The following ITGAM variants were observed in gnomAD, a reference collection of about 807,000 sequenced individuals.
ITGAM encodes integrin subunit alpha M.
A neutral mutation model predicts 137.5 loss-of-function variants in ITGAM; 79 were observed. The ratio of observed to expected loss-of-function variants is 0.57; its 90% CI spans 0.48 to 0.69. The LOEUF (loss-of-function observed/expected upper bound fraction) is 0.69, where lower values mean the gene tolerates loss of function less well. Among genes scored for constraint, ITGAM ranks in the 30% least tolerant of loss-of-function variants. ITGAM has a pLI of 0.00. For missense variants in ITGAM, 1,343 were observed against 1,483.5 expected, an observed-to-expected ratio of 0.91 and a Z score of 1.56; for synonymous variants, 583 against 592.3, an observed-to-expected ratio of 0.98 and a Z score of 0.23.
rs371563299 is a variant in ITGAM, at chr16:31,331,680, G to A, written c.3432G>A (p.Gly1144=). The A allele has an allele frequency of 1.2e-6, 2 of 1,609,456 alleles. No homozygotes were observed. Among genetic ancestry groups the A allele is most frequent in the Non-Finnish European group, 1.7e-6 (2 of 1,178,180 alleles). ...KRQYKDMMSE[G]GPPGAEPQ Reference sequence around the variant, plus strand: ...AATACAAGGACATGATGAGTGAAGGGGGTCCCCCGGGGGCCGAACCCCAGT... The same window carrying A: ...AATACAAGGACATGATGAGTGAAGGAGGTCCCCCGGGGGCCGAACCCCAGT... The change falls in exon 30 of 30, where the codon GGG becomes GGA. Residue 1144 remains glycine, a synonymous_variant. Transcript: ENST00000544665.
intron 14 of ITGAM, among the ~76,000 whole-genome samples, chr16:31,313,801 C>A (rs1253887911): frequency 6.6e-6 from 1 of 152,174 alleles, no homozygotes; most frequent in Non-Finnish European, 1.5e-5. Context: ...GAGGAATCGC[C>A]ACACTGTCTT....
At chr16:31,268,379 C>T (rs1038815197) in intron 5 of ITGAM, among the ~76,000 whole-genome samples, 5 of 152,106 alleles carry the variant, frequency 3.3e-5, no homozygotes, top group Admixed American at 1.3e-4. Context: ...GTTCAAAATT[C>T]GAAAGGGTGC....
chr16:31,305,789 A>G (rs2080258914), intron 14 of ITGAM, among the ~76,000 whole-genome samples: 1 of 152,206 alleles, frequency 6.6e-6, no homozygotes, highest in Non-Finnish European at 1.5e-5. Flanking sequence ...ATATTAAACC[A>G]TTCCTGCGTC....
In ITGAM at chr16:31,330,109, A is replaced by G. The variant is rs199500473; in HGVS notation, c.3005A>G (p.Glu1002Gly). 7.6e-4 allele frequency: 1,233 copies of G among 1,613,736 alleles called. 2 individuals are homozygous for G. The highest frequency in any genetic ancestry group is 9.5e-4 in the Non-Finnish European group (1,118 of 1,179,812). The change falls in exon 26 of 30, where the codon GAG becomes GGG. Residue 1002 changes from glutamate to glycine, a missense_variant. Glu to Gly is a moderately conservative substitution (Grantham distance 98). Coordinates refer to ENST00000544665, the MANE Select transcript of ITGAM (RefSeq NM_000632.4). Reference protein sequence around the residue: ...ENLSSTCHTKERLPSHSDFLA... With the variant: ...ENLSSTCHTKGRLPSHSDFLA... ...CTCTCGAGTACGTGCCACACCAAGGAGCGCTTGCCCTCTCACTCCGACTTT... is the reference window on the plus strand; with the variant it reads ...CTCTCGAGTACGTGCCACACCAAGGGGCGCTTGCCCTCTCACTCCGACTTT...
chr16:31,261,950 T>C (rs1344087416), intron 2 of ITGAM, among the ~76,000 whole-genome samples, 153 bp downstream of exon 2: 1 of 152,126 alleles, frequency 6.6e-6, no homozygotes, highest in African/African-American at 2.4e-5. Context: ...GTATTCTAAA[T>C]TCAAAAGATG....
At position 31,302,458 on chromosome 16, in the gene ITGAM, C is replaced by CTTTCTTTCTTTCTTTCTTT. The variant is rs1567268024; in HGVS notation, c.1707+4504_1707+4505insTTTCTTTCTTTCTTTCTTT. Among the ~76,000 whole-genome samples the CTTTCTTTCTTTCTTTCTTT allele has an allele frequency of 7.3e-4, 82 of 111,814 alleles. 1 individual carries two copies. Among genetic ancestry groups the CTTTCTTTCTTTCTTTCTTT allele is most frequent in the African/African-American group, 1.5e-3 (31 of 21,008 alleles). The allele number at this position is 111,814 out of a possible 152,430, so 73.4% of individuals were successfully genotyped here. On this transcript the variant is annotated intron_variant, in intron 14 of 29. Coordinates refer to ENST00000544665, the MANE Select transcript of ITGAM (RefSeq NM_000632.4). Reference sequence around the variant, plus strand: ...TTCTTTCTTTCTTTCTTTCTTCCTTCCTTTCTTTCTTTCTTTCTTTCTTTC... The same window carrying CTTTCTTTCTTTCTTTCTTT: ...TTCTTTCTTTCTTTCTTTCTTCCTTCTTTCTTTCTTTCTTTCTTTCTTTCTTTCTTTCTTTCTTTCTTTC...
intron 14 of ITGAM, among the ~76,000 whole-genome samples, chr16:31,310,711 C>T (rs1426834066): frequency 9.2e-5 from 14 of 152,336 alleles, no homozygotes; most frequent in East Asian, 3.9e-4. Flanking sequence ...AGTGATTCTC[C>T]GTCCAGCTTT....
chr16:31,270,580 C>A (rs910918098), intron 5 of ITGAM, among the ~76,000 whole-genome samples: 1 of 150,702 alleles, frequency 6.6e-6, no homozygotes, highest in African/African-American at 2.4e-5. Flanking sequence ...ATGGCGTGAT[C>A]ATAGCTCACT....
At chr16:31,311,597 A>G (rs1400651926) in intron 14 of ITGAM, among the ~76,000 whole-genome samples, 1 of 152,186 alleles carries the variant, frequency 6.6e-6, no homozygotes. Flanking sequence ...ACCATCTCAC[A>G]CCAGTTAGAA....
At chr16:31,304,165 G>C (rs544131122) in intron 14 of ITGAM, among the ~76,000 whole-genome samples, 1 of 152,132 alleles carries the variant, frequency 6.6e-6, no homozygotes, top group Non-Finnish European at 1.5e-5. Context: ...TCTTGCAGGA[G>C]TAAGGTGGTA....
intron 14 of ITGAM, among the ~76,000 whole-genome samples, chr16:31,312,968 C>T (rs1349736826): frequency 6.6e-6 from 1 of 151,386 alleles, no homozygotes; most frequent in Non-Finnish European, 1.5e-5. Context: ...GCCTGTAATC[C>T]CAGCACTTTG....
intron 11 of ITGAM, among the ~76,000 whole-genome samples, chr16:31,277,593 G>A (rs7184339): frequency 0.18 from 27,008 of 151,866 alleles, 3,035 homozygotes; most frequent in African/African-American, 0.31. Context: ...CCCAACCTCA[G>A]GTGATCCACC....
intron 12 of ITGAM, among the ~76,000 whole-genome samples, chr16:31,281,354 T>G (rs1218740259): frequency 6.6e-6 from 1 of 152,152 alleles, no homozygotes; most frequent in African/African-American, 2.4e-5. Flanking sequence ...GGTCCTGGAC[T>G]TTTTTTGGTT....
At position 31,331,272 on chromosome 16, in the gene ITGAM, C is replaced by A; in HGVS notation, c.3384C>A (p.Tyr1128Ter). The change falls in exon 29 of 30, where the codon TAC becomes TAA. Residue 1128 changes from tyrosine (Y) to a stop codon, truncating the protein, a stop_gained. Transcript: ENST00000544665. LOFTEE classifies it high-confidence loss of function. ...LLLALITAAL[Y>*]KLGFFKRQYK... ...TGGCCCTCATCACCGCCGCGCTGTA[C>A]AAGGTGCTCCCCGCTGCTCCCCCAC... 6.3e-7 allele frequency: 1 copy of A among 1,596,638 alleles called. No individual in the cohort carries two copies. The highest frequency in any genetic ancestry group is 1.1e-5 in the South Asian group (1 of 90,626).
chr16:31,315,296 AT>A (rs1189488009), intron 14 of ITGAM, among the ~76,000 whole-genome samples: 1 of 151,952 alleles, frequency 6.6e-6, no homozygotes, highest in Admixed American at 6.6e-5. Flanking sequence ...ATGCAATTCC[AT>A]TTGTCTGTTT....
chr16:31,297,651 G>A lies in ITGAM; in HGVS notation c.1494G>A (p.Arg498=), dbSNP rs780226979. The A allele has an allele frequency of 1.3e-5, 21 of 1,612,234 alleles. No individual in the cohort carries two copies. The highest frequency in any genetic ancestry group is 1.6e-5 in the Non-Finnish European group (19 of 1,179,478). Residue 498 remains arginine (R), a synonymous_variant, in exon 13 of 30, where the codon AGG becomes AGA. Coordinates refer to ENST00000544665, the MANE Select transcript of ITGAM (RefSeq NM_000632.4). ...AGGTGTCCGTGTGCCCCTTGCCCAG[G>A]GGGGTGAGTGGCAATGGGACCTGGG... ...GGQVSVCPLP[R]GRARWQCDAV...
At chr16:31,310,296 A>T (rs1475468785) in intron 14 of ITGAM, among the ~76,000 whole-genome samples, 2 of 152,126 alleles carry the variant, frequency 1.3e-5, no homozygotes, top group Non-Finnish European at 2.9e-5. Flanking sequence ...GTGTTTTCCA[A>T]CTTGATTCCA....
At chr16:31,277,082 G>T in intron 11 of ITGAM, 33 bp downstream of exon 11, 1 of 1,581,588 alleles carries the variant, frequency 6.3e-7, no homozygotes, top group Non-Finnish European at 8.6e-7. Context: ...ACTCTAAGAA[G>T]GGGTGAGGAT....
At chr16:31,330,913 CGACAGA>C (rs1032710388) in intron 28 of ITGAM, among the ~76,000 whole-genome samples, 41 of 140,934 alleles carry the variant, frequency 2.9e-4, no homozygotes, top group Admixed American at 2.2e-3. Context: ...ATACAGAGCG[CGACAGA>C]GACAGAGACA....
Sources: gnomAD v4.1 joint callset for allele counts (sites outside exome capture counted in the v4.1 genomes callset) on GRCh38, gnomAD v4.1.1 for gene constraint, MANE v1.5 for transcripts, NCBI Gene and HGNC (gene_info 2026-07-23, HGNC 2026-07-21) for gene names.